SPTBN1: variants seen among roughly 807,000 people sequenced by gnomAD.
SPTBN1 encodes the protein spectrin beta, non-erythrocytic 1.
SPTBN1 carries 32 observed loss-of-function variants against 266.4 expected under a neutral mutation model. The observed-to-expected ratio is 0.12, with a 90% confidence interval of 0.09 to 0.16. The LOEUF (loss-of-function observed/expected upper bound fraction) is 0.16. SPTBN1 is among the 10% of genes least tolerant of loss of function. The pLI, the probability that SPTBN1 is intolerant of heterozygous loss-of-function variation, is 1.00. For synonymous variants in SPTBN1, 1,336 were observed against 1,162.2 expected (o/e 1.15, Z -3.04); for missense variants, 2,296 against 3,067.1 (o/e 0.75, Z 5.94).
rs367786551 is a variant in SPTBN1 at position 54,599,089 on chromosome 2, C to T, written c.149-3C>T. The T allele has an allele frequency of 2.8e-4, 450 of 1,613,704 alleles. No individual in the cohort carries two copies. The highest frequency in any genetic ancestry group is 3.8e-4 in the Non-Finnish European group (443 of 1,179,880). ...GGTAAAACAAGTTCTTCTCTGCTTG[C>T]AGATGAGCGTGAAGCCGTGCAGAAG... On this transcript the variant is annotated splice_polypyrimidine_tract_variant and splice_region_variant and intron_variant, in intron 2 of 35. Transcript: ENST00000356805.
chr2:54,527,928 T>C (rs1670923349), intron 2 of SPTBN1: 1 of 152,196 alleles, frequency 6.6e-6, no homozygotes, highest in African/African-American at 2.4e-5. Flanking sequence ...AAGATTGGAA[T>C]ATAACAGAAA....
At position 54,592,758 on chromosome 2, in the gene SPTBN1, G is replaced by A. The variant is rs896144045; in HGVS notation, c.149-6334G>A. 2.6e-5 allele frequency among the ~76,000 whole-genome samples: 4 copies of A among 152,156 alleles called. No homozygotes were observed. In the South Asian group the frequency reaches 6.2e-4, roughly 24 times the overall value. ...GTTTATCAGAAACCAAACAACAAAAGATAGTGAATCTCAGTATATGACAGG... is the reference window on the plus strand; with the variant it reads ...GTTTATCAGAAACCAAACAACAAAAAATAGTGAATCTCAGTATATGACAGG... On this transcript the variant is annotated intron_variant, in intron 2 of 35. Coordinates refer to ENST00000356805, the MANE Select transcript of SPTBN1 (RefSeq NM_003128.3).
chr2:54,504,879 A>G (rs187182451), intron 1 of SPTBN1, among the ~76,000 whole-genome samples: 6 of 152,330 alleles, frequency 3.9e-5, no homozygotes, highest in South Asian at 4.1e-4. Flanking sequence ...CTTAAAATGA[A>G]TGTTTTCATC....
intron 2 of SPTBN1, among the ~76,000 whole-genome samples, chr2:54,578,751 T>G (rs764070205): frequency 1.5e-3 from 167 of 112,104 alleles, no homozygotes; most frequent in African/African-American, 7.5e-3. Context: ...TCTGATGGGG[T>G]GTGTGTGTGT....
Position 54,487,832 on chromosome 2 carries a change from C to CTCTTTTTTTTTTTTTTTT in SPTBN1, c.-48+31315_-48+31316insCTTTTTTTTTTTTTTTTT, listed in dbSNP as rs1426296541. On this transcript the variant is annotated intron_variant, in intron 1 of 35. Coordinates refer to ENST00000356805, the MANE Select transcript of SPTBN1 (RefSeq NM_003128.3). ...TTCACTTGATGGTCTCCTCCTGTGT[C>CTCTTTTTTTTTTTTTTTT]TTTTTTTTTTTTTTTGAGACGGAGT... 2.0e-4 allele frequency among the ~76,000 whole-genome samples: 14 copies of CTCTTTTTTTTTTTTTTTT among 68,642 alleles called. 1 individual carries two copies. The highest frequency in any genetic ancestry group is 7.0e-4 in the South Asian group (1 of 1,430). The allele number at this position is 68,642 out of a possible 152,430, so 45.0% of individuals were successfully genotyped here.
intron 3 of SPTBN1, among the ~76,000 whole-genome samples, chr2:54,603,617 TC>T (rs1381171881): frequency 2.0e-5 from 3 of 152,162 alleles, no homozygotes; most frequent in Non-Finnish European, 4.4e-5. Flanking sequence ...AGTGTGGTAT[TC>T]CCCGATTAAT....
At chr2:54,660,297 G>C in intron 32 of SPTBN1, 1 of 1,304,326 alleles carries the variant, frequency 7.7e-7, no homozygotes, top group Non-Finnish European at 9.7e-7. Context: ...TTTATTTATT[G>C]TGAGCTTTTT....
intron 2 of SPTBN1, among the ~76,000 whole-genome samples, chr2:54,564,470 T>C (rs2104489510): frequency 6.6e-6 from 1 of 152,240 alleles, no homozygotes; most frequent in South Asian, 2.1e-4. Context: ...GTTATCCCAG[T>C]CTCCCCACAG....
chr2:54,594,852 G>A (rs1394956068), intron 2 of SPTBN1, among the ~76,000 whole-genome samples: 1 of 12,990 alleles, frequency 7.7e-5, no homozygotes, highest in Non-Finnish European at 1.4e-4. Flanking sequence ...TTTTTTTTTT[G>A]AGACAGAGTT....
At chr2:54,586,539 G>C (rs1489606194) in intron 2 of SPTBN1, among the ~76,000 whole-genome samples, 1 of 152,134 alleles carries the variant, frequency 6.6e-6, no homozygotes, top group Non-Finnish European at 1.5e-5. Flanking sequence ...TGTATAGTCT[G>C]ATTTGGAGGA....
At chr2:54,615,468 A>T (rs560971511) in intron 4 of SPTBN1, among the ~76,000 whole-genome samples, 5 of 152,264 alleles carry the variant, frequency 3.3e-5, no homozygotes, top group Non-Finnish European at 5.9e-5. Flanking sequence ...CGTAGCTGGC[A>T]GTTGGCGCCT....
chr2:54,543,553 CCTT>C (rs1397539946), intron 2 of SPTBN1, among the ~76,000 whole-genome samples: 1 of 151,632 alleles, frequency 6.6e-6, no homozygotes. Context: ...GACCCTCAGT[CCTT>C]CTCCTGGGAA....
chr2:54,471,878 A>G (rs1306305961), intron 1 of SPTBN1, among the ~76,000 whole-genome samples: 3 of 142,338 alleles, frequency 2.1e-5, no homozygotes, highest in African/African-American at 8.2e-5. Context: ...AATTCTCTGT[A>G]ACATCTTATG....
chr2:54,666,138 C>T, intron 34 of SPTBN1, 50 bp downstream of exon 34: 3 of 1,554,274 alleles, frequency 1.9e-6, no homozygotes, highest in African/African-American at 2.7e-5. Flanking sequence ...GCATTTACTT[C>T]CACTCTGGGG....
Position 54,628,400 on chromosome 2 carries a change from A to G in SPTBN1, c.1798+150A>G. 1 of 993,268 alleles carries G rather than the reference A, an allele frequency of 1.0e-6. No homozygotes were observed. Among genetic ancestry groups the G allele is most frequent in the Admixed American group, 3.4e-5 (1 of 29,356 alleles). 61.5% of individuals were successfully genotyped at this position (993,268 alleles called of 1,614,324 possible). On this transcript the variant is annotated intron_variant, in intron 13 of 35. Transcript: ENST00000356805. The surrounding 1 kb of genome is among the most constrained non-coding windows in gnomAD (Gnocchi z 4.3). ...GAAATACGGTGGAGTGGCCTTCTGA[A>G]CACTAACTCCATCTTGTTTTTCTGG... is the stretch of plus-strand genomic sequence containing the variant.
chr2:54,539,028 T>G (rs1039081919), intron 2 of SPTBN1, among the ~76,000 whole-genome samples: 1 of 152,204 alleles, frequency 6.6e-6, no homozygotes, highest in African/African-American at 2.4e-5. Context: ...TAACCTTTCC[T>G]CTTCAAGAAA....
intron 2 of SPTBN1, among the ~76,000 whole-genome samples, chr2:54,576,273 T>C (rs1674471790): frequency 6.6e-6 from 1 of 151,942 alleles, no homozygotes; most frequent in African/African-American, 2.4e-5. Flanking sequence ...AGGCTAGTCT[T>C]AAACTCCTAA....
chr2:54,664,438 C>A lies in SPTBN1; in HGVS notation c.6421-15C>A, dbSNP rs952057416. 1 of 1,604,884 alleles carries A rather than the reference C, an allele frequency of 6.2e-7. No individual in the cohort carries two copies. The highest frequency in any genetic ancestry group is 2.2e-5 in the East Asian group (1 of 44,632). On this transcript the variant is annotated splice_polypyrimidine_tract_variant and intron_variant, in intron 32 of 35. Coordinates refer to ENST00000356805, the MANE Select transcript of SPTBN1 (RefSeq NM_003128.3). This position sits in a 1 kb window ranked among gnomAD's most constrained non-coding sequence, Gnocchi z 5.6. ...GCTCACGGAGTTAGCTGAATGGCCTCTCCGCTGTCCCTAGATGGCAGAAAC... is the reference window on the plus strand; with the variant it reads ...GCTCACGGAGTTAGCTGAATGGCCTATCCGCTGTCCCTAGATGGCAGAAAC...
chr2:54,661,829 C>G (rs1317586713), intron 32 of SPTBN1: 5 of 985,310 alleles, frequency 5.1e-6, no homozygotes, highest in Non-Finnish European at 6.0e-6. Flanking sequence ...AAAAAAGGAA[C>G]CACATAAGCA....
Sources: allele counts gnomAD v4.1 joint callset (sites outside exome capture counted in the v4.1 genomes callset), GRCh38; gene constraint gnomAD v4.1.1; non-coding constraint Gnocchi (gnomAD v3.1); transcripts MANE v1.5; gene names NCBI Gene and HGNC (gene_info 2026-07-23, HGNC 2026-07-21).